The following HECW2 variants were observed in gnomAD, a reference collection of about 807,000 sequenced individuals.
HECW2 encodes E3 ubiquitin-protein ligase HECW2.
HECW2 carries 61 observed loss-of-function variants against 175.2 expected under a neutral mutation model. The ratio of observed to expected loss-of-function variants is 0.35; its 90% CI spans 0.28 to 0.43. HECW2 has a LOEUF of 0.43. HECW2 is among the 20% of genes least tolerant of loss of function. The pLI is 1.00. For missense variants in HECW2, 1,524 were observed against 2,000.5 expected, an observed-to-expected ratio of 0.76 and a Z score of 4.54; for synonymous variants, 671 against 731.0, an observed-to-expected ratio of 0.92 and a Z score of 1.32.
At chr2:196,220,280 G>A in intron 25 of HECW2, 127 bp from the exon 26 acceptor site, 1 of 651,728 alleles carries the variant, frequency 1.5e-6, no homozygotes, top group Non-Finnish European at 2.7e-6. Flanking sequence ...GTTGGCACTT[G>A]AAAACCTGTA....
At chr2:196,287,485 G>A (rs982908325) in intron 14 of HECW2, among the ~76,000 whole-genome samples, 1 of 152,114 alleles carries the variant, frequency 6.6e-6, no homozygotes, top group Non-Finnish European at 1.5e-5. Context: ...TTGTTTGAGA[G>A]TCTAAAGCAA....
Position 196,374,039 on chromosome 2 carries a change from AT to A in HECW2, c.293-30276del, listed in dbSNP as rs1393386169. On this transcript the variant is annotated intron_variant, in intron 2 of 28. Transcript: ENST00000644978. ...AGAGAGAGACTCCGTCTCAAAAAAAATAAAATAAAATAAATAAATAAATAAA... is the reference window on the plus strand; with the variant it reads ...AGAGAGAGACTCCGTCTCAAAAAAAAAAAATAAAATAAATAAATAAATAAA... Among the ~76,000 whole-genome samples, 114 of 132,818 alleles carry A rather than the reference AT, an allele frequency of 8.6e-4. 2 individuals are homozygous for A. The highest frequency in any genetic ancestry group is 3.8e-3 in the Middle Eastern group (1 of 266). 87.1% of individuals were successfully genotyped at this position (132,818 alleles called of 152,430 possible).
intron 19 of HECW2, among the ~76,000 whole-genome samples, chr2:196,251,624 G>A (rs1185205435): frequency 6.6e-6 from 1 of 152,132 alleles, no homozygotes; most frequent in African/African-American, 2.4e-5. Context: ...TAGGTAGTGA[G>A]GGCCTTTGAA....
At chr2:196,554,790 G>C (rs1277414347) in intron 1 of HECW2, among the ~76,000 whole-genome samples, 1 of 152,234 alleles carries the variant, frequency 6.6e-6, no homozygotes, top group Non-Finnish European at 1.5e-5. Context: ...GTTTAGCCTA[G>C]AAGAACGAAG....
chr2:196,575,064 G>C (rs990990426), intron 1 of HECW2, among the ~76,000 whole-genome samples: 2 of 110,826 alleles, frequency 1.8e-5, no homozygotes, highest in Non-Finnish European at 3.4e-5. Context: ...CTGGGTAACA[G>C]AGCAAGGCCT....
chr2:196,573,236 A>T (rs2125517099), intron 1 of HECW2, among the ~76,000 whole-genome samples: 1 of 150,560 alleles, frequency 6.6e-6, no homozygotes, highest in Non-Finnish European at 1.5e-5. Flanking sequence ...TAAAAGCAAT[A>T]AGAATGCTGA....
chr2:196,436,890 T>A (rs1397916016), intron 1 of HECW2, among the ~76,000 whole-genome samples: 1 of 152,198 alleles, frequency 6.6e-6, no homozygotes, highest in Non-Finnish European at 1.5e-5. Flanking sequence ...TATACATGTA[T>A]AATTAGTCTT....
intron 2 of HECW2, among the ~76,000 whole-genome samples, chr2:196,414,377 A>G (rs1695196857): frequency 6.6e-6 from 1 of 152,232 alleles, no homozygotes; most frequent in Non-Finnish European, 1.5e-5. Context: ...CTTGAAAAAT[A>G]AAGCCAAACA....
chr2:196,301,586 G>T (rs1691054702), intron 13 of HECW2, among the ~76,000 whole-genome samples: 1 of 152,102 alleles, frequency 6.6e-6, no homozygotes, highest in Non-Finnish European at 1.5e-5. Flanking sequence ...GGCATGAGAT[G>T]ACATCTCATT....
intron 5 of HECW2, among the ~76,000 whole-genome samples, chr2:196,326,587 G>T (rs976456754): frequency 2.0e-5 from 3 of 151,848 alleles, no homozygotes; most frequent in Admixed American, 6.6e-5. Flanking sequence ...GGGATTACAG[G>T]CACGTACCAC....
chr2:196,451,026 T>A (rs539636333), intron 1 of HECW2, among the ~76,000 whole-genome samples: 1 of 152,232 alleles, frequency 6.6e-6, no homozygotes, highest in African/African-American at 2.4e-5. Flanking sequence ...CAGATATAAT[T>A]ATTGAAACAT....
intron 2 of HECW2, among the ~76,000 whole-genome samples, chr2:196,354,528 C>T (rs946479764): frequency 2.6e-5 from 4 of 152,208 alleles, no homozygotes; most frequent in Admixed American, 6.5e-5. Flanking sequence ...TGAGAAAAAT[C>T]CTGCATCAGT....
At chr2:196,485,021 G>A (rs1686954065) in intron 1 of HECW2, among the ~76,000 whole-genome samples, 1 of 152,232 alleles carries the variant, frequency 6.6e-6, no homozygotes, top group African/African-American at 2.4e-5. Flanking sequence ...GAGCAGGGGA[G>A]AAGAGGACAG....
chr2:196,353,808 C>T (rs1405657674), intron 2 of HECW2, among the ~76,000 whole-genome samples: 2 of 152,198 alleles, frequency 1.3e-5, no homozygotes, highest in Non-Finnish European at 2.9e-5. Context: ...GTCCCTCTCC[C>T]ATCCTGTGCC....
intron 1 of HECW2, among the ~76,000 whole-genome samples, chr2:196,488,075 G>A (rs987482641): frequency 7.2e-5 from 11 of 152,194 alleles, no homozygotes; most frequent in African/African-American, 2.2e-4. Flanking sequence ...ATCTGTATGT[G>A]TGTATTCCAA....
intron 2 of HECW2, among the ~76,000 whole-genome samples, chr2:196,380,939 T>C (rs979821227): frequency 2.0e-5 from 3 of 152,174 alleles, no homozygotes; most frequent in African/African-American, 7.2e-5. Flanking sequence ...TCTAAAAAAG[T>C]TGACTTTTGC....
intron 2 of HECW2, among the ~76,000 whole-genome samples, chr2:196,423,280 T>C (rs1695453172): frequency 2.0e-5 from 3 of 152,164 alleles, no homozygotes; most frequent in Non-Finnish European, 4.4e-5. Flanking sequence ...TCTCATAATA[T>C]TGGTGGTTTA....
At chr2:196,305,606 A>T (rs1691229759) in intron 13 of HECW2, among the ~76,000 whole-genome samples, 1 of 152,096 alleles carries the variant, frequency 6.6e-6, no homozygotes, top group African/African-American at 2.4e-5. Flanking sequence ...CAAGTCCCTC[A>T]TTCGAATTTT....
At chr2:196,272,170 A>G (rs1441186377) in intron 16 of HECW2, among the ~76,000 whole-genome samples, 1 of 152,208 alleles carries the variant, frequency 6.6e-6, no homozygotes. Context: ...TGCAGAGGAC[A>G]AACTATTCTA....
Sources: allele counts gnomAD v4.1 joint callset (sites outside exome capture counted in the v4.1 genomes callset), GRCh38; gene constraint gnomAD v4.1.1; transcripts MANE v1.5; gene names NCBI Gene and HGNC (gene_info 2026-07-23, HGNC 2026-07-21).